Variants in GTF2H1 observed in about 807,000 individuals in gnomAD.
The protein encoded by GTF2H1 is BTF2 p62.
In GTF2H1, 16 loss-of-function variants were observed where a neutral mutation model predicts 71.2. That is an observed-to-expected ratio of 0.22 (90% CI 0.15 to 0.34). The LOEUF is 0.34. Ranked by LOEUF, GTF2H1 falls within the 10% of genes least tolerant of loss-of-function variation. The probability of loss-of-function intolerance (pLI) is 1.00; values close to 1 mark genes in which losing one functional copy is unlikely to be tolerated. For missense variants in GTF2H1, 498 were observed against 648.2 expected (o/e 0.77, Z 2.52); for synonymous variants, 215 against 219.0 (o/e 0.98, Z 0.16).
intron 7 of GTF2H1, among the ~76,000 whole-genome samples, chr11:18,342,507 C>T (rs1415199939): frequency 6.6e-6 from 1 of 152,058 alleles, no homozygotes; most frequent in African/African-American, 2.4e-5. Flanking sequence ...GGTGATCTGC[C>T]CACCTTGGCC....
In GTF2H1 at chr11:18,351,704, TAAG is replaced by T. The variant is rs1025155825; in HGVS notation, c.1054-176_1054-174del. On this transcript the variant is annotated intron_variant, in intron 9 of 14. Transcript: ENST00000265963. ...CAGAGTGTAAGAAAACTAGTATTCT[TAAG>T]TAGTTGTTGAGAAAATTGGTTCAGC... 3.1e-4 allele frequency: 146 copies of T among 467,186 alleles called. 2 individuals are homozygous for T. Among genetic ancestry groups the T allele is most frequent in the Non-Finnish European group, 3.9e-5 (10 of 253,840 alleles). The allele number at this position is 467,186 out of a possible 1,614,324, so 28.9% of individuals were successfully genotyped here.
chr11:18,365,661 TTGAC>T (rs1865806869), intron 14 of GTF2H1, 118 bp from the exon 15 acceptor site: 10 of 672,792 alleles, frequency 1.5e-5, no homozygotes, highest in Middle Eastern at 2.5e-4. Context: ...CATTACCTCA[TTGAC>T]TGGGGAAATA....
intron 1 of GTF2H1, among the ~76,000 whole-genome samples, chr11:18,323,127 C>T (rs569151888): frequency 6.6e-6 from 1 of 152,274 alleles, no homozygotes; most frequent in African/African-American, 2.4e-5. Context: ...TTCCACCTGT[C>T]AATCTTACCT....
At chr11:18,334,939 GT>G (rs1374852036) in intron 2 of GTF2H1, among the ~76,000 whole-genome samples, 1 of 151,908 alleles carries the variant, frequency 6.6e-6, no homozygotes, top group Non-Finnish European at 1.5e-5. Context: ...TATAGTTGTG[GT>G]TTTTGGTTTA....
intron 11 of GTF2H1, among the ~76,000 whole-genome samples, chr11:18,354,361 A>G (rs1420646745): frequency 6.6e-6 from 1 of 152,198 alleles, no homozygotes; most frequent in Non-Finnish European, 1.5e-5. Context: ...TAATTAATAC[A>G]TATCTTGTGG....
chr11:18,325,967 T>C (rs532149955), intron 1 of GTF2H1: 1 of 152,140 alleles, frequency 6.6e-6, no homozygotes, highest in Admixed American at 6.5e-5. Context: ...GGAAGAAGTG[T>C]TTGCCACTCA....
chr11:18,338,640 G>C (rs1324436948), intron 4 of GTF2H1, among the ~76,000 whole-genome samples: 1 of 152,042 alleles, frequency 6.6e-6, no homozygotes, highest in African/African-American at 2.4e-5. Flanking sequence ...GCGGGGGGCA[G>C]CTCTTTTTGT....
At chr11:18,348,388 A>G (rs1388052160) in intron 9 of GTF2H1, 1 of 181,828 alleles carries the variant, frequency 5.5e-6, no homozygotes, top group African/African-American at 2.3e-5. Context: ...AGAAGGATGG[A>G]CAGAATTAGC....
At chr11:18,335,992 A>C (rs548869854) in intron 3 of GTF2H1, 46 bp downstream of exon 3, 1 of 1,427,038 alleles carries the variant, frequency 7.0e-7, no homozygotes, top group Admixed American at 1.9e-5. Context: ...TGGGTTCTCT[A>C]TAGTCTCCTA....
At chr11:18,325,511 A>G (rs952859597) in intron 1 of GTF2H1, among the ~76,000 whole-genome samples, 1 of 152,242 alleles carries the variant, frequency 6.6e-6, no homozygotes, top group Non-Finnish European at 1.5e-5. Flanking sequence ...TGGGTGCTAT[A>G]TTACAGAGAA....
intron 4 of GTF2H1, 93 bp from the exon 5 acceptor site, chr11:18,339,471 A>G (rs1241122356): frequency 1.7e-5 from 13 of 780,088 alleles, no homozygotes; most frequent in Non-Finnish European, 1.7e-5. Context: ...TAGTTCAGAA[A>G]TTTTTTTTTC....
rs565199873 is a variant in GTF2H1 at position 18,337,061 on chromosome 11, T to G, written c.348-1048T>G. On this transcript the variant is annotated intron_variant, in intron 3 of 14. Transcript: ENST00000265963. The stretch of plus-strand genomic sequence containing the variant: ...CCGCCACACCTGGCCACAATTTCCT[T>G]ATGAATTATTCCATCACCAATATCT... 6.6e-5 allele frequency among the ~76,000 whole-genome samples: 10 copies of G among 152,274 alleles called. No individual in the cohort carries two copies. The South Asian group carries it at 1.9e-3, about 28-fold the overall frequency.
chr11:18,329,992 A>G (rs1864857850), intron 1 of GTF2H1, among the ~76,000 whole-genome samples: 1 of 152,180 alleles, frequency 6.6e-6, no homozygotes, highest in Non-Finnish European at 1.5e-5. Context: ...TGGGGAAAAG[A>G]GATTGACCTG....
intron 2 of GTF2H1, 161 bp downstream of exon 2, chr11:18,333,389 TTTCAC>T: frequency 1.9e-6 from 1 of 514,018 alleles, no homozygotes; most frequent in Non-Finnish European, 3.4e-6. Context: ...AACCTGACCT[TTTCAC>T]TTAATAACAG....
intron 7 of GTF2H1, chr11:18,341,835 T>C: frequency 2.6e-6 from 1 of 379,182 alleles, no homozygotes; most frequent in Non-Finnish European, 4.7e-6. Context: ...AAAATAAATT[T>C]CTAGCTCCCT....
Position 18,333,244 on chromosome 11 carries a change from T to A in GTF2H1, c.154+16T>A, listed in dbSNP as rs768471230. On this transcript the variant is annotated intron_variant, in intron 2 of 14. Coordinates refer to ENST00000265963, the MANE Select transcript of GTF2H1 (RefSeq NM_005316.4). Reference sequence around the variant, plus strand: ...GATATTAAATGTAAGTCAGCTATACTAAGTTCTGATGTATTTGTATGTCAT... The same window carrying A: ...GATATTAAATGTAAGTCAGCTATACAAAGTTCTGATGTATTTGTATGTCAT... The A allele has an allele frequency of 6.3e-7, 1 of 1,576,440 alleles. No homozygotes were observed. The highest frequency in any genetic ancestry group is 8.7e-7 in the Non-Finnish European group (1 of 1,149,616).
chr11:18,354,276 A>G (rs1865492231), intron 11 of GTF2H1, among the ~76,000 whole-genome samples: 1 of 152,220 alleles, frequency 6.6e-6, no homozygotes, highest in South Asian at 2.1e-4. Context: ...AGCTTGTGAT[A>G]TTAAATTTTT....
intron 9 of GTF2H1, among the ~76,000 whole-genome samples, chr11:18,350,964 A>G (rs993998158): frequency 9.9e-5 from 15 of 152,226 alleles, no homozygotes; most frequent in Admixed American, 1.3e-4. Flanking sequence ...ACGTGGAGGA[A>G]TTAAGCATAT....
intron 3 of GTF2H1, among the ~76,000 whole-genome samples, chr11:18,336,794 G>C (rs906799432): frequency 6.8e-6 from 1 of 146,630 alleles, no homozygotes. Context: ...TTGCTCTGTT[G>C]CCCAGGCTGG....
Sources: gnomAD v4.1 joint callset for allele counts (sites outside exome capture counted in the v4.1 genomes callset) on GRCh38, gnomAD v4.1.1 for gene constraint, MANE v1.5 for transcripts, NCBI Gene and HGNC (gene_info 2026-07-23, HGNC 2026-07-21) for gene names.